Variants in OR51B5 observed in about 807,000 individuals in gnomAD.
OR51B5 encodes olfactory receptor 51B5.
For missense variants in OR51B5, 456 were observed against 374.6 expected (o/e 1.22, Z -1.79); for synonymous variants, 186 against 144.8 (o/e 1.28, Z -2.04).
At chr11:5,379,366 C>T (rs543394303) in intron 1 of OR51B5, among the ~76,000 whole-genome samples, 4 of 151,868 alleles carry the variant, frequency 2.6e-5, no homozygotes, top group East Asian at 1.9e-4. Flanking sequence ...TGCTAAATTA[C>T]GAGTTAATGG....
intron 1 of OR51B5, among the ~76,000 whole-genome samples, chr11:5,478,991 G>C (rs986820952): frequency 4.6e-5 from 7 of 152,000 alleles, no homozygotes; most frequent in Non-Finnish European, 1.0e-4. Flanking sequence ...TCAACGTTCA[G>C]ATTCAGGAAA....
intron 1 of OR51B5, among the ~76,000 whole-genome samples, chr11:5,381,328 A>C (rs1849606995): frequency 6.6e-6 from 1 of 152,170 alleles, no homozygotes; most frequent in Non-Finnish European, 1.5e-5. Context: ...TGAATGCCTC[A>C]CACTAATGTG....
intron 1 of OR51B5, among the ~76,000 whole-genome samples, chr11:5,380,716 A>C (rs1347629682): frequency 1.3e-5 from 2 of 152,176 alleles, no homozygotes; most frequent in Admixed American, 1.3e-4. Context: ...TTTAGTTTTT[A>C]TGTGTTTGTA....
intron 1 of OR51B5, among the ~76,000 whole-genome samples, chr11:5,410,276 C>T (rs1043876708): frequency 6.6e-6 from 1 of 151,992 alleles, no homozygotes; most frequent in African/African-American, 2.4e-5. Context: ...TTTAAACATT[C>T]TTTGAACTAT....
At chr11:5,488,026 T>G (rs1473568721) in intron 1 of OR51B5, among the ~76,000 whole-genome samples, 6 of 152,096 alleles carry the variant, frequency 3.9e-5, no homozygotes, top group African/African-American at 1.4e-4. Flanking sequence ...AAAAAGTTAA[T>G]GCATCATTAT....
intron 1 of OR51B5, among the ~76,000 whole-genome samples, chr11:5,349,080 A>G (rs1302822119): frequency 6.6e-6 from 1 of 152,176 alleles, no homozygotes; most frequent in African/African-American, 2.4e-5. Context: ...CTCATTAATA[A>G]AAACTCAAGT....
intron 1 of OR51B5, among the ~76,000 whole-genome samples, chr11:5,411,274 T>A (rs4910784): frequency 6.6e-6 from 1 of 152,078 alleles, no homozygotes; most frequent in Non-Finnish European, 1.5e-5. Context: ...TACAAAAATA[T>A]CACTGTGTTA....
chr11:5,428,139 CA>C (rs1207902714), intron 1 of OR51B5, among the ~76,000 whole-genome samples: 1 of 150,818 alleles, frequency 6.6e-6, no homozygotes, highest in Non-Finnish European at 1.5e-5. Context: ...ATATATATCC[CA>C]AAAGACATGC....
intron 1 of OR51B5, among the ~76,000 whole-genome samples, chr11:5,413,935 C>G (rs1274880036): frequency 2.7e-5 from 4 of 146,452 alleles, no homozygotes; most frequent in African/African-American, 5.0e-5. Flanking sequence ...ACAGAGAACG[C>G]CACAAAGATA....
At chr11:5,427,029 C>A (rs1237941916) in intron 1 of OR51B5, among the ~76,000 whole-genome samples, 1 of 152,196 alleles carries the variant, frequency 6.6e-6, no homozygotes, top group African/African-American at 2.4e-5. Context: ...CTCACCTTCC[C>A]ATCACCTCCC....
intron 1 of OR51B5, among the ~76,000 whole-genome samples, chr11:5,438,773 T>C (rs981369975): frequency 2.0e-5 from 3 of 152,128 alleles, no homozygotes; most frequent in Non-Finnish European, 4.4e-5. Flanking sequence ...ATTTTGAAGC[T>C]TTCCTCCCCA....
rs545870232 is a variant in OR51B5, at chr11:5,475,287, A to G, written n.84+30282T>C. Reference sequence around the variant, plus strand: ...TCATATTGCCTGTAAAACACTGTGTAATATGATCTTCATTTTCAACTTTAC... The same window carrying G: ...TCATATTGCCTGTAAAACACTGTGTGATATGATCTTCATTTTCAACTTTAC... On this transcript the variant is annotated intron_variant and non_coding_transcript_variant, in intron 1 of 4. Transcript: ENST00000415970. Among the ~76,000 whole-genome samples, 3 of 152,302 alleles carry G rather than the reference A, an allele frequency of 2.0e-5. No homozygotes were observed. In the East Asian group the frequency reaches 5.8e-4, roughly 29 times the overall value.
chr11:5,393,799 G>C (rs1249448213), intron 1 of OR51B5, among the ~76,000 whole-genome samples: 1 of 152,038 alleles, frequency 6.6e-6, no homozygotes, highest in Non-Finnish European at 1.5e-5. Flanking sequence ...ACAGAGGAAA[G>C]CAACTTTCCT....
rs1590017593 is a variant in OR51B5 at position 5,474,050 on chromosome 11, T to A, written n.84+31519A>T. On this transcript the variant is annotated intron_variant and non_coding_transcript_variant, in intron 1 of 4. Transcript: ENST00000415970. ...TATAGGAAACAATGATTCCCAAACA[T>A]TTGAGATTTGACTGATTTAACCTAA... is the stretch of plus-strand genomic sequence containing the variant. Among the ~76,000 whole-genome samples, 4 of 152,244 alleles carry A rather than the reference T, an allele frequency of 2.6e-5. No homozygotes were observed. The South Asian group carries it at 8.3e-4, about 32-fold the overall frequency.
intron 1 of OR51B5, among the ~76,000 whole-genome samples, chr11:5,477,980 C>T (rs11037670): frequency 0.57 from 86,238 of 150,492 alleles, 25,418 homozygotes; most frequent in South Asian, 0.65. Flanking sequence ...ACAAAGCAGC[C>T]GGGAAGCTCC....
chr11:5,413,450 A>G (rs1230690831), intron 1 of OR51B5, among the ~76,000 whole-genome samples: 1 of 152,230 alleles, frequency 6.6e-6, no homozygotes, highest in East Asian at 1.9e-4. Flanking sequence ...GACTTTGATG[A>G]CTTGAGAGAA....
intron 1 of OR51B5, among the ~76,000 whole-genome samples, chr11:5,364,238 A>G (rs1849331291): frequency 6.6e-6 from 1 of 152,212 alleles, no homozygotes. Context: ...AGCTATGACA[A>G]AGTTTGACAT....
intron 1 of OR51B5, chr11:5,441,274 G>C: frequency 3.1e-6 from 5 of 1,613,936 alleles, no homozygotes; most frequent in Non-Finnish European, 4.2e-6. Flanking sequence ...ATCACAGTGG[G>C]AAGTGTAGAA....
At position 5,407,279 on chromosome 11, in the gene OR51B5, C is replaced by T. The variant is rs1006617569; in HGVS notation, n.85-60369G>A. 5.9e-5 allele frequency among the ~76,000 whole-genome samples: 9 copies of T among 152,232 alleles called. No individual in the cohort carries two copies. In the East Asian group the frequency reaches 1.5e-3, roughly 26 times the overall value. ...TTAAAAAGCATATAATAATAATCAC[C>T]TGCCTGTGTGGTGATGAGTGAATCT... On this transcript the variant is annotated intron_variant and non_coding_transcript_variant, in intron 1 of 4. Coordinates refer to the OR51B5 transcript ENST00000415970.
Sources: gnomAD v4.1 joint callset for allele counts (sites outside exome capture counted in the v4.1 genomes callset) on GRCh38, gnomAD v4.1.1 for gene constraint, MANE v1.5 for transcripts, NCBI Gene and HGNC (gene_info 2026-07-23, HGNC 2026-07-21) for gene names.